Variants in DAPK1 observed in about 807,000 individuals in gnomAD.
DAPK1 encodes the protein death-associated protein kinase 1.
In DAPK1, 56 loss-of-function variants were observed where a neutral mutation model predicts 144.9. The ratio of observed to expected loss-of-function variants is 0.39; its 90% confidence interval spans 0.31 to 0.48. The LOEUF is 0.48. Among genes scored for constraint, DAPK1 ranks in the 20% least tolerant of loss-of-function variants. The probability of loss-of-function intolerance (pLI) is 0.95; values close to 1 mark genes in which losing one functional copy is unlikely to be tolerated. For synonymous variants in DAPK1, 690 were observed against 749.0 expected, an observed-to-expected ratio of 0.92 and a Z score of 1.29; for missense variants, 1,454 against 1,875.4, an observed-to-expected ratio of 0.78 and a Z score of 4.15.
intron 2 of DAPK1, among the ~76,000 whole-genome samples, chr9:87,505,170 A>T (rs1040794420): frequency 2.6e-5 from 4 of 152,170 alleles, no homozygotes; most frequent in African/African-American, 9.7e-5. Context: ...ACATTGCCTG[A>T]CTCAGCAGGG....
intron 3 of DAPK1, among the ~76,000 whole-genome samples, chr9:87,612,056 T>A (rs888567547): frequency 8.5e-5 from 13 of 152,206 alleles, no homozygotes; most frequent in African/African-American, 3.1e-4. Flanking sequence ...GCAAAAGGCA[T>A]CGCGTGGCAA....
At chr9:87,561,557 G>C (rs1826927005) in intron 2 of DAPK1, among the ~76,000 whole-genome samples, 1 of 152,042 alleles carries the variant, frequency 6.6e-6, no homozygotes, top group Non-Finnish European at 1.5e-5. Flanking sequence ...AAATATGTTA[G>C]CCAGAGTGAA....
In DAPK1 at chr9:87,686,705, C is replaced by A; in HGVS notation, c.2379C>A (p.Thr793=). 6.2e-7 allele frequency: 1 copy of A among 1,613,072 alleles called. No homozygotes were observed. Among genetic ancestry groups the A allele is most frequent in the Non-Finnish European group, 8.5e-7 (1 of 1,179,124 alleles). ...ACTGCTCGGCCGATGACCAGTCCACCAAGGCCATCGACATCCAGAACGCTT... is the reference window on the plus strand; with the variant it reads ...ACTGCTCGGCCGATGACCAGTCCACAAAGGCCATCGACATCCAGAACGCTT... ...HPHCSADDQS[T]KAIDIQNAYL... is the part of the protein sequence containing the mutation. Residue 793 remains threonine, a synonymous_variant, in exon 21 of 26, where the codon ACC becomes ACA. Coordinates refer to ENST00000408954, the MANE Select transcript of DAPK1 (RefSeq NM_004938.4). This position sits in a 1 kb window ranked among gnomAD's most constrained non-coding sequence, Gnocchi z 4.2.
chr9:87,516,279 G>C (rs1451723121), intron 2 of DAPK1, among the ~76,000 whole-genome samples: 1 of 152,128 alleles, frequency 6.6e-6, no homozygotes, highest in Non-Finnish European at 1.5e-5. Flanking sequence ...CATCCATACT[G>C]TTGGGGCTCA....
At position 87,666,987 on chromosome 9, in the gene DAPK1, A is replaced by T. The variant is rs146870779; in HGVS notation, c.1924-1610A>T. Among the ~76,000 whole-genome samples the T allele has an allele frequency of 7.0e-3, 1,070 of 152,284 alleles. 10 individuals are homozygous for T. Among genetic ancestry groups the T allele is most frequent in the African/African-American group, 0.024 (977 of 41,554 alleles). On this transcript the variant is annotated intron_variant, in intron 18 of 25. Transcript: ENST00000408954. The stretch of plus-strand genomic sequence containing the variant: ...AGTGGTTCCCAAACCTTGCTGCATA[A>T]TAGAATTAACCTGGGAGCCCAGGAT...
chr9:87,546,422 T>G (rs1230775641), intron 2 of DAPK1, among the ~76,000 whole-genome samples: 2 of 152,140 alleles, frequency 1.3e-5, no homozygotes, highest in African/African-American at 2.4e-5. Flanking sequence ...TTGCCTGGCA[T>G]CTGACCCTTG....
At position 87,639,790 on chromosome 9, in the gene DAPK1, A is replaced by G; in HGVS notation, c.604A>G (p.Ser202Gly). The part of the protein sequence containing the change: ...EPLGLEADMW[S>G]IGVITYILLS... ...TTGTTTGTTTTGTGTTGTTTTTAGG[A>G]GTATCGGGGTAATAACCTATATCCT... is the stretch of plus-strand genomic sequence containing the variant. The change falls in exon 7 of 26, where the codon AGT becomes GGT. Residue 202 changes from serine to glycine, a missense_variant and splice_region_variant. Physicochemically the swap from Ser to Gly is moderately conservative, Grantham distance 56 (BLOSUM62 0). Transcript: ENST00000408954. 1.2e-6 allele frequency: 2 copies of G among 1,613,470 alleles called. No individual in the cohort carries two copies. Among genetic ancestry groups the G allele is most frequent in the Non-Finnish European group, 1.7e-6 (2 of 1,179,562 alleles).
In DAPK1 at chr9:87,617,785, G is replaced by C. The variant is rs139415891; in HGVS notation, c.284+12610G>C. ...TTTCCTCCAAGACGGGTCTCCCCAG[G>C]TACCTCAACTTCACGTGTCTTAAAC... On this transcript the variant is annotated intron_variant, in intron 3 of 25. Coordinates refer to ENST00000408954, the MANE Select transcript of DAPK1 (RefSeq NM_004938.4). Among the ~76,000 whole-genome samples the C allele has an allele frequency of 6.9e-3, 1,048 of 152,166 alleles. 7 individuals are homozygous for C. Among genetic ancestry groups the C allele is most frequent in the Non-Finnish European group, 8.9e-3 (607 of 68,004 alleles).
At chr9:87,674,076 C>T (rs1440504979) in intron 19 of DAPK1, among the ~76,000 whole-genome samples, 1 of 152,144 alleles carries the variant, frequency 6.6e-6, no homozygotes, top group Non-Finnish European at 1.5e-5. Flanking sequence ...TATCAGCACC[C>T]ATTTTTACTA....
intron 2 of DAPK1, among the ~76,000 whole-genome samples, chr9:87,589,428 G>C (rs552748873): frequency 6.6e-6 from 1 of 151,922 alleles, no homozygotes; most frequent in East Asian, 2.0e-4. Context: ...CTAAGTGAAG[G>C]GCCCAGACTC....
At chr9:87,546,564 G>A (rs1294963848) in intron 2 of DAPK1, among the ~76,000 whole-genome samples, 1 of 152,172 alleles carries the variant, frequency 6.6e-6, no homozygotes, top group Non-Finnish European at 1.5e-5. Context: ...TCTGGGAGGG[G>A]CAGTGCCTCC....
intron 2 of DAPK1, among the ~76,000 whole-genome samples, chr9:87,575,339 G>C (rs923908087): frequency 6.6e-5 from 10 of 152,096 alleles, no homozygotes; most frequent in African/African-American, 2.4e-4. Context: ...TGCTGGGGAT[G>C]TGCACGTGTG....
intron 11 of DAPK1, among the ~76,000 whole-genome samples, chr9:87,644,570 A>G (rs562893494): frequency 1.3e-5 from 2 of 152,270 alleles, no homozygotes; most frequent in South Asian, 4.2e-4. Context: ...GAAGCAGATT[A>G]GGGCGAGAAG....
intron 21 of DAPK1, among the ~76,000 whole-genome samples, chr9:87,696,511 C>T (rs1268867902): frequency 6.6e-6 from 1 of 152,166 alleles, no homozygotes; most frequent in East Asian, 1.9e-4. Flanking sequence ...GCTCTGCAGA[C>T]TGGGAAGTTC....
rs114799844 is a variant in DAPK1, at chr9:87,683,451, G to A, written c.2224+1825G>A. ...TTGCTCCCTTAGAGGGAGGCAGCAC[G>A]CTCCTGCTGTGGTTAAGGGCACTGC... is the stretch of plus-strand genomic sequence containing the variant. On this transcript the variant is annotated intron_variant, in intron 20 of 25. Coordinates refer to ENST00000408954, the MANE Select transcript of DAPK1 (RefSeq NM_004938.4). 6.6e-3 allele frequency among the ~76,000 whole-genome samples: 1,012 copies of A among 152,288 alleles called. 14 individuals carry two copies. The highest frequency in any genetic ancestry group is 0.022 in the African/African-American group (904 of 41,542).
At chr9:87,571,893 G>A (rs1389428604) in intron 2 of DAPK1, among the ~76,000 whole-genome samples, 1 of 152,214 alleles carries the variant, frequency 6.6e-6, no homozygotes, top group Non-Finnish European at 1.5e-5. Flanking sequence ...CCTTGCTGTT[G>A]GCTTGAGCCA....
At chr9:87,516,037 A>G (rs1825040794) in intron 2 of DAPK1, among the ~76,000 whole-genome samples, 1 of 152,102 alleles carries the variant, frequency 6.6e-6, no homozygotes, top group African/African-American at 2.4e-5. Flanking sequence ...TTGTACAGTT[A>G]TGGGCTTGTA....
chr9:87,517,989 A>G (rs748126420), intron 2 of DAPK1, among the ~76,000 whole-genome samples: 30 of 152,244 alleles, frequency 2.0e-4, no homozygotes, highest in South Asian at 4.1e-4. Context: ...CTGGGTCCCA[A>G]TCTGCCCCAT....
chr9:87,509,509 C>G (rs896260335), intron 2 of DAPK1, among the ~76,000 whole-genome samples: 2 of 152,088 alleles, frequency 1.3e-5, no homozygotes, highest in African/African-American at 4.8e-5. Flanking sequence ...TACAGGCATG[C>G]ACCACCACGC....
Sources: gnomAD v4.1 joint callset for allele counts (sites outside exome capture counted in the v4.1 genomes callset) on GRCh38, gnomAD v4.1.1 for gene constraint, Gnocchi (gnomAD v3.1) non-coding constraint, MANE v1.5 for transcripts, NCBI Gene and HGNC (gene_info 2026-07-23, HGNC 2026-07-21) for gene names.